TMEM185A: variants seen among roughly 807,000 people sequenced by gnomAD.
TMEM185A encodes the protein transmembrane protein 185A.
A neutral mutation model predicts 25.0 loss-of-function variants in TMEM185A; 9 were observed. That is an observed-to-expected ratio of 0.36 (90% CI 0.22 to 0.63). The LOEUF (loss-of-function observed/expected upper bound fraction) is 0.63. TMEM185A is among the 20% of genes least tolerant of loss of function. The pLI is 0.68. For missense variants in TMEM185A, 103 were observed against 237.4 expected (o/e 0.43, Z 3.72); for synonymous variants, 45 against 93.5 (o/e 0.48, Z 2.99).
chrX:149,614,099 GT>G (rs781936591), intron 1 of TMEM185A, among the ~76,000 whole-genome samples: 6 of 111,785 alleles, frequency 5.4e-5, no homozygotes, highest in Non-Finnish European at 1.1e-4. Flanking sequence ...ATATTAATGA[GT>G]TCCTCCCAAC....
rs1368795487 is a variant in TMEM185A, at chrX:149,631,729, T to TCGCCGCCGC, written c.-150_-149insGCGGCGGCG. On this transcript the variant is annotated 5_prime_UTR_variant, in exon 1 of 7. Coordinates refer to ENST00000600449, the MANE Select transcript of TMEM185A (RefSeq NM_032508.4). ...GCTGCCGTCCCCGCTGCCGTCGCCGTCGCCGTCGCCGCCGCCGCCGCCGCC... is the reference window on the plus strand; with the variant it reads ...GCTGCCGTCCCCGCTGCCGTCGCCGTCGCCGCCGCCGCCGTCGCCGCCGCCGCCGCCGCC... 2 of 438,619 alleles carry TCGCCGCCGC rather than the reference T, an allele frequency of 4.6e-6. No individual in the cohort carries two copies. The highest frequency in any genetic ancestry group is 6.3e-5 in the East Asian group (1 of 15,758). 36.1% of individuals were successfully genotyped at this position (438,619 alleles called of 1,213,427 possible).
chrX:149,605,247 T>G (rs2090040669), intron 3 of TMEM185A: 1 of 113,001 alleles, frequency 8.8e-6, no homozygotes, highest in South Asian at 3.6e-4. Context: ...CGCCTGCACT[T>G]AGAACCTTGT....
chrX:149,616,490 A>G (rs2090111087), intron 1 of TMEM185A, among the ~76,000 whole-genome samples: 1 of 111,340 alleles, frequency 9.0e-6, no homozygotes, highest in South Asian at 3.8e-4. Flanking sequence ...TTTCTCTATC[A>G]TCAAAACCAG....
intron 1 of TMEM185A, among the ~76,000 whole-genome samples, chrX:149,614,161 T>C (rs200162261): frequency 5.4e-5 from 6 of 111,508 alleles, no homozygotes; most frequent in East Asian, 5.6e-4. Flanking sequence ...TTCACCAAGA[T>C]AGATTGAATT....
At chrX:149,609,032 C>T (rs1415595308) in intron 2 of TMEM185A, among the ~76,000 whole-genome samples, 198 bp from the exon 3 acceptor site, 8 of 112,668 alleles carry the variant, frequency 7.1e-5, no homozygotes, top group Admixed American at 5.6e-4. Flanking sequence ...AGAACTACTA[C>T]ATAATACAAA....
rs929805884 is a variant in TMEM185A, at chrX:149,618,569, A to G, written c.39-7106T>C. On this transcript the variant is annotated intron_variant, in intron 1 of 6. Coordinates refer to ENST00000600449, the MANE Select transcript of TMEM185A (RefSeq NM_032508.4). ...TAAATCAGTGGCTCTCAAAGTTTTT[A>G]GTATCAAAAATTTTGACGTTTAACT... Among the ~76,000 whole-genome samples, 43 of 111,673 alleles carry G rather than the reference A, an allele frequency of 3.9e-4. 1 individual carries two copies. The highest frequency in any genetic ancestry group is 1.1e-3 in the African/African-American group (35 of 30,791).
At chrX:149,615,404 T>C (rs782580714) in intron 1 of TMEM185A, among the ~76,000 whole-genome samples, 15 of 112,164 alleles carry the variant, frequency 1.3e-4, no homozygotes, top group Non-Finnish European at 2.8e-4. Context: ...ACAGCAAGTA[T>C]GTCCACTTCA....
At chrX:149,611,247 C>T (rs782457309) in intron 2 of TMEM185A, 40 bp downstream of exon 2, 1 of 1,147,237 alleles carries the variant, frequency 8.7e-7, no homozygotes, top group Non-Finnish European at 1.2e-6. Flanking sequence ...ATATTGCTCC[C>T]TCATGCTAGA....
chrX:149,619,085 A>G (rs1433610935), intron 1 of TMEM185A, among the ~76,000 whole-genome samples: 1 of 112,109 alleles, frequency 8.9e-6, no homozygotes, highest in Non-Finnish European at 1.9e-5. Flanking sequence ...AATCGTATCA[A>G]TGACCTTTTT....
intron 3 of TMEM185A, chrX:149,605,065 A>G (rs1557353091): frequency 8.9e-6 from 1 of 112,278 alleles, no homozygotes; most frequent in African/African-American, 3.2e-5. Context: ...GGACTGGGGG[A>G]GAAGAAATTT....
chrX:149,605,774 C>T (rs1463686699), intron 3 of TMEM185A, among the ~76,000 whole-genome samples: 5 of 112,054 alleles, frequency 4.5e-5, no homozygotes, highest in South Asian at 7.5e-4. Flanking sequence ...CGGCACCATC[C>T]GCCTACCACT....
chrX:149,623,420 A>G (rs1289098321), intron 1 of TMEM185A, among the ~76,000 whole-genome samples: 6 of 112,054 alleles, frequency 5.4e-5, no homozygotes, highest in Non-Finnish European at 1.1e-4. Flanking sequence ...GATTGTAATC[A>G]GTAGAGACCA....
At chrX:149,627,021 C>G (rs138997328) in intron 1 of TMEM185A, among the ~76,000 whole-genome samples, 2 of 111,865 alleles carry the variant, frequency 1.8e-5, no homozygotes, top group East Asian at 5.6e-4. Context: ...GAGACAGAAG[C>G]CTTCCTCTTA....
At chrX:149,630,235 A>G (rs1269783) in intron 1 of TMEM185A, among the ~76,000 whole-genome samples, 2 of 111,817 alleles carry the variant, frequency 1.8e-5, no homozygotes, top group Non-Finnish European at 3.8e-5. Flanking sequence ...GTGGAATAAG[A>G]GCACATACAA....
At chrX:149,624,139 CATT>C (rs1397832281) in intron 1 of TMEM185A, among the ~76,000 whole-genome samples, 1 of 112,736 alleles carries the variant, frequency 8.9e-6, no homozygotes, top group African/African-American at 3.2e-5. Flanking sequence ...TCTGGTTTAA[CATT>C]AATCACTACT....
intron 3 of TMEM185A, 58 bp from the exon 4 acceptor site, chrX:149,604,128 T>A: frequency 1.2e-6 from 1 of 812,204 alleles, no homozygotes; most frequent in Non-Finnish European, 1.8e-6. Context: ...AATACTGCAG[T>A]AATTTGGTTA....
intron 3 of TMEM185A, chrX:149,606,685 C>A (rs1557353553): frequency 8.9e-6 from 1 of 112,641 alleles, no homozygotes; most frequent in Admixed American, 9.3e-5. Context: ...ACCCTCAACT[C>A]CTCCTTCCCA....
intron 3 of TMEM185A, chrX:149,606,836 A>G (rs1369869599): frequency 8.9e-6 from 1 of 112,405 alleles, no homozygotes; most frequent in African/African-American, 3.2e-5. Context: ...TGAAAGACTT[A>G]CTTTCTGTAA....
At position 149,631,735 on chromosome X, in the gene TMEM185A, TCGCCGCCGCCGCCGCCGC is replaced by T; in HGVS notation, c.-173_-156del. On this transcript the variant is annotated 5_prime_UTR_variant, in exon 1 of 7. Transcript: ENST00000600449. ...GTCCCCGCTGCCGTCGCCGTCGCCGTCGCCGCCGCCGCCGCCGCCGCCGCCGCCGCCGCCGCCGCCGCC... is the reference window on the plus strand; with the variant it reads ...GTCCCCGCTGCCGTCGCCGTCGCCGTCGCCGCCGCCGCCGCCGCCGCCGCC... 0.013 allele frequency: 4,359 copies of T among 335,471 alleles called. 283 individuals are homozygous for T. The East Asian group carries it at 0.14, about 11-fold the overall frequency. The allele number at this position is 335,471 out of a possible 1,213,427, so 27.6% of individuals were successfully genotyped here. A position where few individuals can be genotyped will look rare whatever the true frequency, so the allele number is the denominator to read the frequency against.
Sources: gnomAD v4.1 joint callset for allele counts (sites outside exome capture counted in the v4.1 genomes callset) on GRCh38, gnomAD v4.1.1 for gene constraint, MANE v1.5 for transcripts, NCBI Gene and HGNC (gene_info 2026-07-23, HGNC 2026-07-21) for gene names.